The following CTIF variants were observed in gnomAD, a reference collection of about 807,000 sequenced individuals.
CTIF encodes the protein CBP80/20-dependent translation initiation factor.
A neutral mutation model predicts 66.0 loss-of-function variants in CTIF; 21 were observed. The ratio of observed to expected loss-of-function variants is 0.32; its 90% CI spans 0.23 to 0.46. The LOEUF is 0.46. CTIF is among the 20% of genes least tolerant of loss of function. The probability of loss-of-function intolerance (pLI) is 1.00; values close to 1 mark genes in which losing one functional copy is unlikely to be tolerated. For synonymous variants in CTIF, 345 were observed against 326.4 expected (o/e 1.06, Z -0.62); for missense variants, 739 against 812.7 (o/e 0.91, Z 1.10).
At chr18:48,540,670 C>G (rs1272120010) in intron 1 of CTIF, among the ~76,000 whole-genome samples, 2 of 151,980 alleles carry the variant, frequency 1.3e-5, no homozygotes, top group African/African-American at 2.4e-5. Context: ...GTCTCCACCC[C>G]GAGGAGTGAG....
intron 6 of CTIF, among the ~76,000 whole-genome samples, chr18:48,685,384 G>A (rs552319351): frequency 3.4e-4 from 51 of 151,928 alleles, no homozygotes; most frequent in Non-Finnish European, 6.2e-4. Flanking sequence ...CACCACGCCC[G>A]GCTAATTTTT....
rs2146717587 is a variant in CTIF, at chr18:48,862,901, G to A, written c.*3342G>A. ...CAGACAGACTCTCAGGCCTGCCTGG[G>A]GAGTCGTGTCCCTCAGCTGCAGGGC... On this transcript the variant is annotated 3_prime_UTR_variant, in exon 12 of 12. Coordinates refer to ENST00000256413, the MANE Select transcript of CTIF (RefSeq NM_014772.3). 6.6e-6 allele frequency: 1 copy of A among 152,402 alleles called. No individual in the cohort carries two copies. Among genetic ancestry groups the A allele is most frequent in the African/African-American group, 2.4e-5 (1 of 41,596 alleles). The allele number at this position is 152,402 out of a possible 1,614,324, so 9.4% of individuals were successfully genotyped here. A position where few individuals can be genotyped will look rare whatever the true frequency, so the allele number is the denominator to read the frequency against.
chr18:48,857,284 G>T (rs914864861), intron 10 of CTIF, among the ~76,000 whole-genome samples: 1 of 152,254 alleles, frequency 6.6e-6, no homozygotes, highest in Admixed American at 6.5e-5. Context: ...ACTCACTGCT[G>T]CAGGCTTTCT....
chr18:48,616,214 AG>A (rs2090397043), intron 1 of CTIF, among the ~76,000 whole-genome samples: 1 of 152,240 alleles, frequency 6.6e-6, no homozygotes, highest in African/African-American at 2.4e-5. Context: ...GACGTCTTCC[AG>A]GAATAATGGG....
chr18:48,838,774 A>G (rs1267752360), intron 10 of CTIF, among the ~76,000 whole-genome samples: 2 of 152,234 alleles, frequency 1.3e-5, no homozygotes, highest in Non-Finnish European at 2.9e-5. Flanking sequence ...GCCAAGGGAC[A>G]GGCAGCAATA....
chr18:48,636,676 C>T lies in CTIF; in HGVS notation c.243C>T (p.Pro81=), dbSNP rs953323569. The change falls in exon 3 of 12, where the codon CCC becomes CCT. Residue 81 remains proline (P), a synonymous_variant. Coordinates refer to ENST00000256413, the MANE Select transcript of CTIF (RefSeq NM_014772.3). The part of the protein sequence containing the change: ...SSCSFSRGRA[P]PQQNGSKDNS... ...GTTCCTTCTCCCGAGGGCGAGCCCC[C>T]CCACAGCAGGTAGGGAACCAGCTCT... 3 of 1,599,054 alleles carry T rather than the reference C, an allele frequency of 1.9e-6. No individual in the cohort carries two copies. The highest frequency in any genetic ancestry group is 3.5e-5 in the Admixed American group (2 of 57,500).
chr18:48,632,626 G>A (rs531721228), intron 2 of CTIF, among the ~76,000 whole-genome samples: 5 of 152,268 alleles, frequency 3.3e-5, no homozygotes, highest in African/African-American at 1.2e-4. Context: ...GTGTCTCTGA[G>A]TTCTTTAGCC....
chr18:48,720,351 G>A (rs1398136743), intron 7 of CTIF, among the ~76,000 whole-genome samples: 1 of 152,130 alleles, frequency 6.6e-6, no homozygotes, highest in African/African-American at 2.4e-5. Flanking sequence ...TTTGCACCAT[G>A]CTGGGATGCC....
chr18:48,682,952 C>T (rs1814859539), intron 6 of CTIF: 1 of 152,302 alleles, frequency 6.6e-6, no homozygotes, highest in Non-Finnish European at 1.5e-5. Flanking sequence ...GTGGGGGCAA[C>T]CCACCTGGAT....
chr18:48,653,896 A>C (rs982355867), intron 3 of CTIF, among the ~76,000 whole-genome samples: 1 of 152,214 alleles, frequency 6.6e-6, no homozygotes, highest in Non-Finnish European at 1.5e-5. Context: ...TATTTAATAA[A>C]TGGTGCTGGG....
At chr18:48,568,909 T>C (rs2089347256) in intron 1 of CTIF, among the ~76,000 whole-genome samples, 1 of 151,830 alleles carries the variant, frequency 6.6e-6, no homozygotes, top group Admixed American at 6.6e-5. Context: ...CCATGACAAG[T>C]GGGGATTGTG....
chr18:48,859,129 A>AT (rs901305792), intron 11 of CTIF, among the ~76,000 whole-genome samples: 121 of 152,236 alleles, frequency 7.9e-4, no homozygotes, highest in African/African-American at 2.9e-3. Flanking sequence ...ATCCCTCTGG[A>AT]TCCTGCTGGC....
chr18:48,730,384 C>CT, intron 7 of CTIF, among the ~76,000 whole-genome samples: 1 of 143,220 alleles, frequency 7.0e-6, no homozygotes, highest in East Asian at 2.2e-4. Flanking sequence ...GTGTGAGGGG[C>CT]TCCTGCTGTG....
At chr18:48,539,624 G>GT (rs2088556823) in intron 1 of CTIF, 1 of 153,032 alleles carries the variant, frequency 6.5e-6, no homozygotes, top group African/African-American at 2.4e-5. Flanking sequence ...CGGCGCCAAG[G>GT]GGGGCTCTTG....
chr18:48,593,386 CT>C (rs1354032234), intron 1 of CTIF, among the ~76,000 whole-genome samples: 79 of 140,996 alleles, frequency 5.6e-4, no homozygotes, highest in Middle Eastern at 7.1e-3. Context: ...TTTTTTTTTT[CT>C]TTTTTTTTTT....
intron 1 of CTIF, among the ~76,000 whole-genome samples, chr18:48,558,374 G>C (rs1199425282): frequency 1.3e-5 from 2 of 152,172 alleles, no homozygotes; most frequent in Non-Finnish European, 2.9e-5. Flanking sequence ...TTGGTACACG[G>C]GTATGACAGA....
At chr18:48,748,952 G>GCTGCATCT (rs1328741811) in intron 7 of CTIF, among the ~76,000 whole-genome samples, 1 of 152,206 alleles carries the variant, frequency 6.6e-6, no homozygotes, top group Non-Finnish European at 1.5e-5. Flanking sequence ...GTGAGCCCAG[G>GCTGCATCT]CTGCATCTCT....
intron 1 of CTIF, among the ~76,000 whole-genome samples, chr18:48,613,636 G>T (rs1372113615): frequency 1.3e-5 from 2 of 152,348 alleles, no homozygotes; most frequent in Admixed American, 6.5e-5. Flanking sequence ...GCAGCAGGAG[G>T]TGGGGAGTCC....
intron 5 of CTIF, among the ~76,000 whole-genome samples, chr18:48,669,587 A>G (rs1478520087): frequency 3.3e-5 from 5 of 151,826 alleles, no homozygotes; most frequent in African/African-American, 1.2e-4. Flanking sequence ...TGCCTAAACA[A>G]CAGCAACAAT....
Sources: gnomAD v4.1 joint callset for allele counts (sites outside exome capture counted in the v4.1 genomes callset) on GRCh38, gnomAD v4.1.1 for gene constraint, MANE v1.5 for transcripts, NCBI Gene and HGNC (gene_info 2026-07-23, HGNC 2026-07-21) for gene names.